Variants in RBFOX3 observed in about 807,000 individuals in gnomAD.
RBFOX3 encodes RNA binding protein fox-1 homolog 3.
A neutral mutation model predicts 48.7 loss-of-function variants in RBFOX3; 17 were observed. The ratio of observed to expected loss-of-function variants is 0.35; its 90% CI spans 0.24 to 0.52. RBFOX3 has a LOEUF of 0.52. RBFOX3 is among the 20% of genes least tolerant of loss of function. RBFOX3 has a pLI of 0.94. For missense variants in RBFOX3, 382 were observed against 497.5 expected (o/e 0.77, Z 2.21); for synonymous variants, 212 against 209.5 (o/e 1.01, Z -0.10).
chr17:79,525,334 C>T (rs2086657532), intron 1 of RBFOX3, among the ~76,000 whole-genome samples: 1 of 152,174 alleles, frequency 6.6e-6, no homozygotes, highest in African/African-American at 2.4e-5. Flanking sequence ...AACTAAAGCA[C>T]CACAGGCACA....
At chr17:79,193,946 G>A (rs1470456638) in intron 4 of RBFOX3, among the ~76,000 whole-genome samples, 1 of 152,134 alleles carries the variant, frequency 6.6e-6, no homozygotes, top group Non-Finnish European at 1.5e-5. Flanking sequence ...GGAGGTGGGA[G>A]TGGGAGAGCA....
Position 79,480,589 on chromosome 17 carries a change from C to A in RBFOX3, c.-175+1865G>T, listed in dbSNP as rs76786923. Among the ~76,000 whole-genome samples the A allele has an allele frequency of 6.6e-6, 1 of 152,190 alleles. No individual in the cohort carries two copies. The highest frequency in any genetic ancestry group is 1.5e-5 in the Non-Finnish European group (1 of 68,032). ...TCATCTCCTTCCTCCACCTGCACAG[C>A]CCCCGGACCCCGTGATGCCAGCCCC... On this transcript the variant is annotated intron_variant, in intron 2 of 14. Transcript: ENST00000693108. The surrounding 1 kb of genome is among the most constrained non-coding windows in gnomAD (Gnocchi z 4.8).
intron 4 of RBFOX3, among the ~76,000 whole-genome samples, chr17:79,225,022 G>A (rs1050570104): frequency 5.3e-5 from 8 of 152,206 alleles, no homozygotes; most frequent in Admixed American, 2.0e-4. Context: ...AGGGTTGAGA[G>A]CCCAGCCTTG....
rs79886503 is a variant in RBFOX3 at position 79,316,198 on chromosome 17, G to A, written c.-174-8374C>T. Reference sequence around the variant, plus strand: ...TGATGGTGGAGGGTGGAGGGGCTGGGGCTGAGGACGAGGCCATGCAGTGGC... The same window carrying A: ...TGATGGTGGAGGGTGGAGGGGCTGGAGCTGAGGACGAGGCCATGCAGTGGC... On this transcript the variant is annotated intron_variant, in intron 2 of 14. Coordinates refer to ENST00000693108, the MANE Select transcript of RBFOX3 (RefSeq NM_001350451.2). 4.6e-5 allele frequency among the ~76,000 whole-genome samples: 7 copies of A among 152,270 alleles called. No homozygotes were observed. The East Asian group carries it at 1.4e-3, about 29-fold the overall frequency.
At chr17:79,604,704 G>A (rs960483012) in intron 1 of RBFOX3, among the ~76,000 whole-genome samples, 4 of 152,210 alleles carry the variant, frequency 2.6e-5, no homozygotes, top group Non-Finnish European at 5.9e-5. Context: ...ATTTCTAAAG[G>A]TACCAGGGTG....
At chr17:79,161,059 G>T (rs1245316719) in intron 4 of RBFOX3, among the ~76,000 whole-genome samples, 1 of 151,986 alleles carries the variant, frequency 6.6e-6, no homozygotes, top group Non-Finnish European at 1.5e-5. Flanking sequence ...CAAGGAAGAT[G>T]TCTATCTGGT....
In RBFOX3 at chr17:79,530,917, C is replaced by T. The variant is rs1237402653; in HGVS notation, c.-319-48319G>A. Among the ~76,000 whole-genome samples the T allele has an allele frequency of 6.6e-5, 10 of 152,328 alleles. No homozygotes were observed. The East Asian group carries it at 1.5e-3, about 24-fold the overall frequency. Reference sequence around the variant, plus strand: ...AATATTCCAGGCCTGGCGGGTTAGACGGTCTCGGCCAGTCAGAGCCACGTG... The same window carrying T: ...AATATTCCAGGCCTGGCGGGTTAGATGGTCTCGGCCAGTCAGAGCCACGTG... On this transcript the variant is annotated intron_variant, in intron 1 of 14. Transcript: ENST00000693108.
intron 2 of RBFOX3, among the ~76,000 whole-genome samples, chr17:79,394,935 A>G (rs1211653810): frequency 6.6e-6 from 1 of 152,244 alleles, no homozygotes; most frequent in Admixed American, 6.5e-5. Context: ...GACGACGCAG[A>G]GAGGCGGCAA....
At chr17:79,202,468 A>G (rs897067661) in intron 4 of RBFOX3, among the ~76,000 whole-genome samples, 3 of 152,164 alleles carry the variant, frequency 2.0e-5, no homozygotes, top group African/African-American at 7.2e-5. Context: ...GCAATCCCTT[A>G]TATAAGCGCA....
At chr17:79,320,599 C>T (rs573038590) in intron 2 of RBFOX3, among the ~76,000 whole-genome samples, 1 of 152,214 alleles carries the variant, frequency 6.6e-6, no homozygotes, top group South Asian at 2.1e-4. Context: ...TGAGTTCTTC[C>T]TCCCATCCCT....
the RBFOX3 span, among the ~76,000 whole-genome samples, chr17:79,631,747 G>T: frequency 6.6e-6 from 1 of 152,202 alleles, no homozygotes; most frequent in Non-Finnish European, 1.5e-5. Context: ...AGAAGATGGA[G>T]AAATGATGGA....
intron 3 of RBFOX3, among the ~76,000 whole-genome samples, chr17:79,237,978 C>T (rs1411339295): frequency 6.6e-6 from 1 of 152,176 alleles, no homozygotes; most frequent in Non-Finnish European, 1.5e-5. Context: ...GCTCTGTTGC[C>T]CAGGCTGGAG....
At chr17:79,396,121 G>A (rs371272069) in intron 2 of RBFOX3, among the ~76,000 whole-genome samples, 14 of 152,348 alleles carry the variant, frequency 9.2e-5, no homozygotes, top group Admixed American at 2.6e-4. Context: ...GCAAAGCCAC[G>A]TCTCCACCTG....
intron 3 of RBFOX3, among the ~76,000 whole-genome samples, chr17:79,253,490 G>A (rs1017465265): frequency 1.2e-4 from 18 of 152,178 alleles, no homozygotes; most frequent in Non-Finnish European, 2.1e-4. Flanking sequence ...TTTCTCTGGC[G>A]GGGTATCCAG....
chr17:79,235,650 C>G (rs967390029), intron 4 of RBFOX3, 116 bp downstream of exon 4: 1 of 153,626 alleles, frequency 6.5e-6, no homozygotes, highest in African/African-American at 2.4e-5. Flanking sequence ...CTTCCTCCCT[C>G]CAGTGGCTGG....
chr17:79,228,821 T>C (rs2060640471), intron 4 of RBFOX3, among the ~76,000 whole-genome samples: 1 of 152,160 alleles, frequency 6.6e-6, no homozygotes, highest in Non-Finnish European at 1.5e-5. Context: ...CGTGTGCGCA[T>C]ACCAAGCGCT....
At chr17:79,403,588 G>A (rs1164441743) in intron 2 of RBFOX3, among the ~76,000 whole-genome samples, 2 of 152,196 alleles carry the variant, frequency 1.3e-5, no homozygotes, top group African/African-American at 2.4e-5. Flanking sequence ...GGGCTGTGCT[G>A]TGGTGGGAAC....
At chr17:79,596,875 C>T (rs2093583489) in intron 1 of RBFOX3, among the ~76,000 whole-genome samples, 1 of 152,202 alleles carries the variant, frequency 6.6e-6, no homozygotes, top group Admixed American at 6.5e-5. Context: ...TACGTCAGTA[C>T]GTCCCACTTG....
Position 79,214,955 on chromosome 17 carries a change from G to T in RBFOX3, c.-34+20811C>A, listed in dbSNP as rs1321958567. Among the ~76,000 whole-genome samples, 3 of 152,012 alleles carry T rather than the reference G, an allele frequency of 2.0e-5. No individual in the cohort carries two copies. The highest frequency in any genetic ancestry group is 2.9e-5 in the Non-Finnish European group (2 of 68,002). On this transcript the variant is annotated intron_variant, in intron 4 of 14. Coordinates refer to ENST00000693108, the MANE Select transcript of RBFOX3 (RefSeq NM_001350451.2). This position sits in a 1 kb window ranked among gnomAD's most constrained non-coding sequence, Gnocchi z 4.7. ...TTCTGCCTTGGCATCTTCGCCTGGT[G>T]CCGGTCAATTATGAAGCCACCCGCT...
Sources: allele counts gnomAD v4.1 joint callset (sites outside exome capture counted in the v4.1 genomes callset), GRCh38; gene constraint gnomAD v4.1.1; non-coding constraint Gnocchi (gnomAD v3.1); transcripts MANE v1.5; gene names NCBI Gene and HGNC (gene_info 2026-07-23, HGNC 2026-07-21).